The following SPATA31E1 variants were observed in gnomAD, a reference collection of about 807,000 sequenced individuals.
SPATA31E1 encodes the protein spermatogenesis-associated protein 31E1.
A neutral mutation model predicts 12.9 loss-of-function variants in SPATA31E1; 7 were observed. The observed-to-expected ratio is 0.54, with a 90% CI of 0.31 to 1.02. SPATA31E1 has a LOEUF of 1.02. SPATA31E1 is among the 50% of genes least tolerant of loss of function. The pLI, the probability that SPATA31E1 is intolerant of heterozygous loss-of-function variation, is 0.05. For synonymous variants in SPATA31E1, 771 were observed against 719.0 expected, an observed-to-expected ratio of 1.07 and a Z score of -1.16; for missense variants, 1,961 against 1,799.8, an observed-to-expected ratio of 1.09 and a Z score of -1.62.
rs1250020973 is a variant in SPATA31E1 at position 87,883,193 on chromosome 9, G to C, written c.302G>C (p.Ser101Thr). Reference sequence around the variant, plus strand: ...CCCCCGCCCGGGAGGAAGAGGAGCAGCAGGGAGGTAAGGAGTCCTCAGCCC... The same window carrying C: ...CCCCCGCCCGGGAGGAAGAGGAGCACCAGGGAGGTAAGGAGTCCTCAGCCC... ...PSPPPGRKRS[S>T]REPQRERSGR... The change falls in exon 1 of 4, where the codon AGC (serine) becomes ACC (threonine). Residue 101 changes from serine (S) to threonine (T), a missense_variant. Coordinates refer to ENST00000325643, the MANE Select transcript of SPATA31E1 (RefSeq NM_178828.5). 6.3e-7 allele frequency: 1 copy of C among 1,577,376 alleles called. No homozygotes were observed. The highest frequency in any genetic ancestry group is 1.8e-5 in the Admixed American group (1 of 56,896).
Position 87,885,531 on chromosome 9 carries a change from C to T in SPATA31E1, c.1044C>T (p.His348=). ...TCTGGGGAGACCCCACACCCAAGCA[C>T]ATGGAGGTAGGTGGCTGCACATTCA... ...ASFWGDPTPK[H]MEVGGCTFIH... is the part of the protein sequence containing the mutation. Residue 348 remains histidine (H), a synonymous_variant, in exon 4 of 4, where the codon CAC becomes CAT. Transcript: ENST00000325643. The T allele has an allele frequency of 3.1e-6, 5 of 1,614,214 alleles. No homozygotes were observed. The highest frequency in any genetic ancestry group is 3.4e-6 in the Non-Finnish European group (4 of 1,180,042).
At position 87,883,397 on chromosome 9, in the gene SPATA31E1, C is replaced by T. The variant is rs916296882; in HGVS notation, c.309+197C>T. Among the ~76,000 whole-genome samples, 7 of 152,244 alleles carry T rather than the reference C, an allele frequency of 4.6e-5. No individual in the cohort carries two copies. In the South Asian group the frequency reaches 6.2e-4, roughly 14 times the overall value. On this transcript the variant is annotated intron_variant, in intron 1 of 3. Transcript: ENST00000325643. Reference sequence around the variant, plus strand: ...GCTCATCTGTGGGGTGCACAGGAGGCGTCAGGGCAAAAACCAACACTGGAC... The same window carrying T: ...GCTCATCTGTGGGGTGCACAGGAGGTGTCAGGGCAAAAACCAACACTGGAC...
chr9:87,885,386 G>A lies in SPATA31E1; in HGVS notation c.899G>A (p.Ser300Asn), dbSNP rs1453100751. The change falls in exon 4 of 4, where the codon AGC becomes AAC. Residue 300 changes from serine (S) to asparagine (N), a missense_variant. Physicochemically the swap from Ser to Asn is conservative, Grantham distance 46. Transcript: ENST00000325643. ...TRVISGLGCSSDPIWDLYCWR... is the reference protein window; with the variant it reads ...TRVISGLGCSNDPIWDLYCWR... ...GTGATCTCTGGCCTGGGGTGCTCCA[G>A]CGATCCCATCTGGGACCTCTATTGC... 1 of 1,613,744 alleles carries A rather than the reference G, an allele frequency of 6.2e-7. No individual in the cohort carries two copies. The highest frequency in any genetic ancestry group is 8.5e-7 in the Non-Finnish European group (1 of 1,179,900).
Position 87,887,083 on chromosome 9 carries a change from C to G in SPATA31E1, c.2596C>G (p.Gln866Glu). ...EPINVWSGEA[Q>E]APPFPQSTFT... Reference sequence around the variant, plus strand: ...CATAAATGTCTGGTCAGGTGAGGCTCAGGCCCCGCCCTTCCCACAATCCAC... The same window carrying G: ...CATAAATGTCTGGTCAGGTGAGGCTGAGGCCCCGCCCTTCCCACAATCCAC... The change falls in exon 4 of 4, where the codon CAG (glutamine) becomes GAG (glutamate). Residue 866 changes from glutamine (Q) to glutamate (E), a missense_variant. Gln to Glu is a conservative substitution (Grantham distance 29). Coordinates refer to ENST00000325643, the MANE Select transcript of SPATA31E1 (RefSeq NM_178828.5). 1 of 1,614,090 alleles carries G rather than the reference C, an allele frequency of 6.2e-7. No homozygotes were observed. Among genetic ancestry groups the G allele is most frequent in the South Asian group, 1.1e-5 (1 of 91,080 alleles).
In SPATA31E1 at chr9:87,887,769, G is replaced by A. The variant is rs144585024; in HGVS notation, c.3282G>A (p.Ala1094=). 1.7e-4 allele frequency: 270 copies of A among 1,613,890 alleles called. No individual in the cohort carries two copies. The highest frequency in any genetic ancestry group is 2.2e-4 in the Non-Finnish European group (263 of 1,180,016). The stretch of plus-strand genomic sequence containing the variant: ...ATCCAGAGCAGCTGCACCTGAAAGC[G>A]CAGGTGGTCAGTGAGATTGCGCTCA... ...AQDPEQLHLK[A]QVVSEIALIV... The change falls in exon 4 of 4, where the codon GCG becomes GCA. Residue 1094 remains alanine (A), a synonymous_variant. Transcript: ENST00000325643.
chr9:87,884,638 T>C lies in SPATA31E1; in HGVS notation c.412T>C (p.Tyr138His), dbSNP rs752754642. 3.1e-5 allele frequency: 50 copies of C among 1,613,988 alleles called. 1 individual carries two copies. In the Admixed American group the frequency reaches 8.3e-4, roughly 27 times the overall value. Reference protein sequence around the residue: ...RELEETRDLNYLLESHLRKLA... With the variant: ...RELEETRDLNHLLESHLRKLA... ...GCTGGAGGAGACTCGGGACCTGAAC[T>C]ACCTTCTGGAAAGGTGAGGAGCTTC... The change falls in exon 3 of 4, where the codon TAC becomes CAC. Residue 138 changes from tyrosine (Y) to histidine (H), a missense_variant. Physicochemically the swap from Tyr to His is moderately conservative, Grantham distance 83. Transcript: ENST00000325643.
Position 87,886,814 on chromosome 9 carries a change from T to C in SPATA31E1, c.2327T>C (p.Ile776Thr), listed in dbSNP as rs1268500865. Reference protein sequence around the residue: ...QIHLARKVGEIKEGWIPMPVR... With the variant: ...QIHLARKVGETKEGWIPMPVR... ...CATCTGGCCAGGAAGGTAGGGGAGA[T>C]CAAAGAGGGCTGGATCCCCATGCCT... Residue 776 changes from isoleucine to threonine, a missense_variant, in exon 4 of 4, where the codon ATC becomes ACC. Coordinates refer to ENST00000325643, the MANE Select transcript of SPATA31E1 (RefSeq NM_178828.5). 3 of 1,613,826 alleles carry C rather than the reference T, an allele frequency of 1.9e-6. No homozygotes were observed. The highest frequency in any genetic ancestry group is 2.5e-6 in the Non-Finnish European group (3 of 1,179,986).
rs374273499 is a variant in SPATA31E1 at position 87,887,478 on chromosome 9, C to T, written c.2991C>T (p.Asn997=). 331 of 1,613,754 alleles carry T rather than the reference C, an allele frequency of 2.1e-4. No homozygotes were observed. The highest frequency in any genetic ancestry group is 2.6e-4 in the Non-Finnish European group (310 of 1,180,048). The change falls in exon 4 of 4, where the codon AAC becomes AAT. Residue 997 remains asparagine, a synonymous_variant. Transcript: ENST00000325643. ...EGSMGSEMAG[N]EAWLESESMS... ...GTATGGGTTCAGAAATGGCTGGGAA[C>T]GAGGCATGGCTTGAGAGTGAGAGCA...
At position 87,887,456 on chromosome 9, in the gene SPATA31E1, T is replaced by C. The variant is rs755005746; in HGVS notation, c.2969T>C (p.Met990Thr). Residue 990 changes from methionine to threonine, a missense_variant, in exon 4 of 4, where the codon ATG becomes ACG. By Grantham distance (81) the Met-to-Thr change is moderately conservative. Coordinates refer to ENST00000325643, the MANE Select transcript of SPATA31E1 (RefSeq NM_178828.5). The part of the protein sequence containing the change: ...GKPKPRLEGS[M>T]GSEMAGNEAW... ...CCCAAACCCAGACTAGAGGGGAGTA[T>C]GGGTTCAGAAATGGCTGGGAACGAG... 3.1e-6 allele frequency: 5 copies of C among 1,613,764 alleles called. No individual in the cohort carries two copies. The highest frequency in any genetic ancestry group is 1.6e-4 in the Middle Eastern group (1 of 6,062).
In SPATA31E1 at chr9:87,888,044, C is replaced by A. The variant is rs61744962; in HGVS notation, c.3557C>A (p.Pro1186Gln). Residue 1186 changes from proline to glutamine, a missense_variant, in exon 4 of 4, where the codon CCA (proline) becomes CAA (glutamine). By Grantham distance (76) the Pro-to-Gln change is moderately conservative. Coordinates refer to ENST00000325643, the MANE Select transcript of SPATA31E1 (RefSeq NM_178828.5). The part of the protein sequence containing the change: ...DSPGQQEPGS[P>Q]KAKAPQKSQK... The stretch of plus-strand genomic sequence containing the variant: ...CCAGGGCAGCAGGAGCCTGGGAGCC[C>A]AAAAGCAAAGGCCCCACAGAAGAGT... The A allele has an allele frequency of 1.1e-3, 1,741 of 1,608,600 alleles. 29 individuals are homozygous for A. The African/African-American group carries it at 0.02, about 19-fold the overall frequency.
At position 87,886,863 on chromosome 9, in the gene SPATA31E1, C is replaced by G; in HGVS notation, c.2376C>G (p.Ala792=). ...PMPVRRSWLM[A]KCAVPKSDTH... The stretch of plus-strand genomic sequence containing the variant: ...CTGTGCGTCGCTCCTGGCTCATGGC[C>G]AAATGTGCTGTTCCCAAGTCTGACA... Residue 792 remains alanine, a synonymous_variant, in exon 4 of 4, where the codon GCC becomes GCG. Transcript: ENST00000325643. 1 of 1,614,140 alleles carries G rather than the reference C, an allele frequency of 6.2e-7. No homozygotes were observed.
In SPATA31E1 at chr9:87,884,629, G is replaced by A; in HGVS notation, c.403G>A (p.Asp135Asn). ...CCTGAGGGAGCTGGAGGAGACTCGG[G>A]ACCTGAACTACCTTCTGGAAAGGTG... is the stretch of plus-strand genomic sequence containing the variant. ...ILLRELEETRDLNYLLESHLR... is the reference protein window; with the variant it reads ...ILLRELEETRNLNYLLESHLR... The change falls in exon 3 of 4, where the codon GAC becomes AAC. Residue 135 changes from aspartate (D) to asparagine (N), a missense_variant. Physicochemically the swap from Asp to Asn is conservative, Grantham distance 23. Transcript: ENST00000325643. The A allele has an allele frequency of 1.2e-6, 2 of 1,614,056 alleles. No homozygotes were observed. Among genetic ancestry groups the A allele is most frequent in the Non-Finnish European group, 1.7e-6 (2 of 1,179,996 alleles).
intron 1 of SPATA31E1, 87 bp from the exon 2 acceptor site, chr9:87,883,905 C>T (rs1327946760): frequency 6.9e-7 from 1 of 1,439,880 alleles, no homozygotes; most frequent in East Asian, 2.5e-5. Context: ...AGAGCCGTGT[C>T]CCTCATGAGC....
chr9:87,887,790 G>C lies in SPATA31E1; in HGVS notation c.3303G>C (p.Ala1101=). The change falls in exon 4 of 4, where the codon GCG becomes GCC. Residue 1101 remains alanine, a synonymous_variant. Transcript: ENST00000325643. ...HLKAQVVSEI[A]LIVQVDSEEQ... ...AAGCGCAGGTGGTCAGTGAGATTGC[G>C]CTCATAGTGCAGGTGGACTCAGAGG... The C allele has an allele frequency of 6.2e-7, 1 of 1,613,926 alleles. No individual in the cohort carries two copies. The highest frequency in any genetic ancestry group is 1.3e-5 in the African/African-American group (1 of 75,070).
rs548531092 is a variant in SPATA31E1, at chr9:87,883,054, A to C, written c.163A>C (p.Thr55Pro). The change falls in exon 1 of 4, where the codon ACA becomes CCA. Residue 55 changes from threonine (T) to proline (P), a missense_variant. Transcript: ENST00000325643. ...MLFPLKSPSA[T>P]WLSPSSTPWM... ...CTTTCCTCTGAAGAGCCCTAGTGCC[A>C]CATGGCTGAGCCCTAGCTCCACTCC... is the stretch of plus-strand genomic sequence containing the variant. 1 of 1,613,650 alleles carries C rather than the reference A, an allele frequency of 6.2e-7. No individual in the cohort carries two copies. Among genetic ancestry groups the C allele is most frequent in the South Asian group, 1.1e-5 (1 of 90,924 alleles).
In SPATA31E1 at chr9:87,887,688, AG is replaced by A. The variant is rs1432044573; in HGVS notation, c.3205del (p.Ala1069LeufsTer24). ...GSVQEDLRST[G>X]ALGTTGNPSA... ...GTGTTCAGGAGGATCTGAGGAGCACAGGGGCTCTGGGGACCACTGGTAACCC... is the reference window on the plus strand; with the variant it reads ...GTGTTCAGGAGGATCTGAGGAGCACAGGGCTCTGGGGACCACTGGTAACCC... On this transcript the variant is annotated frameshift_variant, in exon 4 of 4. Coordinates refer to ENST00000325643, the MANE Select transcript of SPATA31E1 (RefSeq NM_178828.5). LOFTEE classifies it low-confidence loss of function (END_TRUNC). 6.2e-6 allele frequency: 10 copies of A among 1,614,000 alleles called. No individual in the cohort carries two copies. The highest frequency in any genetic ancestry group is 8.5e-6 in the Non-Finnish European group (10 of 1,180,030).
chr9:87,888,713 C>G lies in SPATA31E1; in HGVS notation c.4226C>G (p.Pro1409Arg), dbSNP rs77208054. 8.2e-3 allele frequency: 13,280 copies of G among 1,613,960 alleles called. 226 individuals carry two copies. Among genetic ancestry groups the G allele is most frequent in the East Asian group, 0.049 (2,204 of 44,868 alleles). Residue 1409 changes from proline (P) to arginine (R), a missense_variant, in exon 4 of 4, where the codon CCT (proline) becomes CGT (arginine). Coordinates refer to ENST00000325643, the MANE Select transcript of SPATA31E1 (RefSeq NM_178828.5). ...AGTTGGGCCCCACCTCCCAGGGAGC[C>G]TGTGTCCCCAGCTGGTCCCCACCAC... is the stretch of plus-strand genomic sequence containing the variant. ...DSSWAPPPREPVSPAGPHHHR... is the reference protein window; with the variant it reads ...DSSWAPPPRERVSPAGPHHHR...
Position 87,887,937 on chromosome 9 carries a change from G to A in SPATA31E1, c.3450G>A (p.Leu1150=), listed in dbSNP as rs770157756. The change falls in exon 4 of 4, where the codon CTG becomes CTA. Residue 1150 remains leucine (L), a synonymous_variant. Coordinates refer to ENST00000325643, the MANE Select transcript of SPATA31E1 (RefSeq NM_178828.5). ...ACAGGCTGCCCACTCAAGCCCCTCT[G>A]TCCACCTCCCAGAGTGTGTCTGGTA... ...AADRLPTQAP[L]STSQSVSGKN... 2.6e-5 allele frequency: 42 copies of A among 1,613,794 alleles called. No individual in the cohort carries two copies. The Middle Eastern group carries it at 9.9e-4, about 38-fold the overall frequency.
In SPATA31E1 at chr9:87,887,098, C is replaced by A. The variant is rs1828293908; in HGVS notation, c.2611C>A (p.Pro871Thr). 6.2e-7 allele frequency: 1 copy of A among 1,614,104 alleles called. No individual in the cohort carries two copies. Among genetic ancestry groups the A allele is most frequent in the African/African-American group, 1.3e-5 (1 of 75,046 alleles). ...WSGEAQAPPFPQSTFTPWASW... is the reference protein window; with the variant it reads ...WSGEAQAPPFTQSTFTPWASW... ...AGGTGAGGCTCAGGCCCCGCCCTTC[C>A]CACAATCCACCTTTACCCCCTGGGC... Residue 871 changes from proline to threonine, a missense_variant, in exon 4 of 4, where the codon CCA (proline) becomes ACA (threonine). Pro to Thr is a conservative substitution (Grantham distance 38, BLOSUM62 -1). Coordinates refer to ENST00000325643, the MANE Select transcript of SPATA31E1 (RefSeq NM_178828.5).
Sources: gnomAD v4.1 joint callset for allele counts (sites outside exome capture counted in the v4.1 genomes callset) on GRCh38, gnomAD v4.1.1 for gene constraint, MANE v1.5 for transcripts, NCBI Gene and HGNC (gene_info 2026-07-23, HGNC 2026-07-21) for gene names.